IGFL2: variants seen among roughly 807,000 people sequenced by gnomAD.
IGFL2 encodes IGF like family member 2.
A neutral mutation model predicts 13.9 loss-of-function variants in IGFL2; 7 were observed. The ratio of observed to expected loss-of-function variants is 0.51; its 90% confidence interval spans 0.29 to 0.95. The LOEUF (loss-of-function observed/expected upper bound fraction) is 0.95. Ranked by LOEUF, IGFL2 falls within the 40% of genes least tolerant of loss-of-function variation. The pLI, the probability that IGFL2 is intolerant of heterozygous loss-of-function variation, is 0.08. For synonymous variants in IGFL2, 55 were observed against 55.8 expected, an observed-to-expected ratio of 0.99 and a Z score of 0.07; for missense variants, 138 against 147.8, an observed-to-expected ratio of 0.93 and a Z score of 0.34.
chr19:46,173,779 A>G, the IGFL2 span: 1 of 152,254 alleles, frequency 6.6e-6, no homozygotes, highest in South Asian at 2.1e-4. Flanking sequence ...AAACTGTATC[A>G]CAGACAAGGG....
chr19:46,157,720 A>G (rs571019665), intron 1 of IGFL2, among the ~76,000 whole-genome samples: 2 of 152,338 alleles, frequency 1.3e-5, no homozygotes, highest in Non-Finnish European at 2.9e-5. Context: ...AAGACTGAGC[A>G]AAGGAGAGGA....
the IGFL2 span, among the ~76,000 whole-genome samples, chr19:46,098,478 CT>C: frequency 0.018 from 2,262 of 128,362 alleles, 37 homozygotes; most frequent in African/African-American, 0.058. Flanking sequence ...CAATCTGTGT[CT>C]TTTTTTTTTT....
At chr19:46,151,529 T>C (rs1432038520) in intron 1 of IGFL2, among the ~76,000 whole-genome samples, 1 of 152,202 alleles carries the variant, frequency 6.6e-6, no homozygotes, top group East Asian at 1.9e-4. Context: ...GAAGTATCAA[T>C]TCTACAATTT....
intron 1 of IGFL2, chr19:46,148,792 C>G: frequency 7.2e-7 from 1 of 1,390,194 alleles, no homozygotes; most frequent in Non-Finnish European, 9.5e-7. Flanking sequence ...TCCCAGAGGT[C>G]CCCTGCCAGC....
At chr19:46,166,877 C>T in the IGFL2 span, among the ~76,000 whole-genome samples, 2 of 152,196 alleles carry the variant, frequency 1.3e-5, no homozygotes, top group Non-Finnish European at 2.9e-5. Context: ...TGCTGTTATC[C>T]TGTTCTTTTT....
chr19:46,123,794 A>G, the IGFL2 span: 4 of 1,380,802 alleles, frequency 2.9e-6, 1 homozygote, highest in African/African-American at 6.0e-5. Flanking sequence ...TTTTGCCGTT[A>G]GAACTCCACA....
the IGFL2 span, chr19:46,124,731 G>A: frequency 8.4e-7 from 1 of 1,192,958 alleles, no homozygotes; most frequent in African/African-American, 1.5e-5. Flanking sequence ...GGGGTTGTCT[G>A]TTAACCTGGT....
chr19:46,085,009 C>T, the IGFL2 span, among the ~76,000 whole-genome samples: 9 of 152,208 alleles, frequency 5.9e-5, no homozygotes, highest in South Asian at 2.1e-4. Flanking sequence ...CCTATGAGCC[C>T]GTAAAATCAA....
chr19:46,163,204 C>G (rs991733827), downstream of IGFL2, among the ~76,000 whole-genome samples: 3 of 152,180 alleles, frequency 2.0e-5, no homozygotes, highest in Admixed American at 2.0e-4. Context: ...AGTGTGGGTT[C>G]CTCTCCCTCT....
At chr19:46,139,938 T>TCACA (rs144249757), upstream of IGFL2, among the ~76,000 whole-genome samples, 30 of 150,404 alleles carry the variant, frequency 2.0e-4, no homozygotes, top group African/African-American at 4.4e-4. Context: ...TTTCACGCAC[T>TCACA]CACACACACA....
the IGFL2 span, among the ~76,000 whole-genome samples, chr19:46,122,466 A>T: frequency 2.6e-5 from 4 of 151,012 alleles, 1 homozygote; most frequent in Admixed American, 2.6e-4. Flanking sequence ...CAGATAATAA[A>T]TGTTAATAAT....
chr19:46,093,551 A>G, the IGFL2 span, among the ~76,000 whole-genome samples: 1 of 152,156 alleles, frequency 6.6e-6, no homozygotes, highest in African/African-American at 2.4e-5. Context: ...AGTCCTAGCT[A>G]GTGTAATGAG....
In IGFL2 at chr19:46,160,398, C is replaced by T. The variant is rs775312362; in HGVS notation, c.20-17C>T. 2.5e-6 allele frequency: 4 copies of T among 1,610,582 alleles called. No individual in the cohort carries two copies. Among genetic ancestry groups the T allele is most frequent in the Admixed American group, 3.4e-5 (2 of 59,390 alleles). The stretch of plus-strand genomic sequence containing the variant: ...CACTTCCAGCCCCATCCTTAACCTC[C>T]TTTCTTTCTCTCCCAGCTCCTGCTT... On this transcript the variant is annotated splice_polypyrimidine_tract_variant and intron_variant, in intron 1 of 3. Transcript: ENST00000377693.
At chr19:46,198,933 A>T in the IGFL2 span, among the ~76,000 whole-genome samples, 1 of 152,202 alleles carries the variant, frequency 6.6e-6, no homozygotes. Flanking sequence ...TTATTCCTGG[A>T]CAAAAGAGCA....
chr19:46,155,190 G>A (rs778696085), intron 1 of IGFL2, among the ~76,000 whole-genome samples: 3 of 152,232 alleles, frequency 2.0e-5, no homozygotes, highest in Non-Finnish European at 2.9e-5. Flanking sequence ...GGGAGAAGGA[G>A]CCCCGGTGCT....
the IGFL2 span, among the ~76,000 whole-genome samples, chr19:46,125,587 A>G: frequency 1.3e-5 from 2 of 152,230 alleles, no homozygotes; most frequent in African/African-American, 4.8e-5. Flanking sequence ...TCCATCCTCC[A>G]CTTGCTGGCA....
the IGFL2 span, among the ~76,000 whole-genome samples, chr19:46,169,441 AAGAAGAAAGTGG>A: frequency 6.6e-6 from 1 of 152,214 alleles, no homozygotes; most frequent in Admixed American, 6.5e-5. Context: ...TGCCACTCAA[AAGAAGAAAGTGG>A]AGAGAGAGAG....
At chr19:46,133,393 G>A in the IGFL2 span, among the ~76,000 whole-genome samples, 3 of 152,166 alleles carry the variant, frequency 2.0e-5, no homozygotes, top group South Asian at 2.1e-4. Flanking sequence ...TCTGGCTTCC[G>A]TTGGCTGGAA....
the IGFL2 span, among the ~76,000 whole-genome samples, chr19:46,171,387 A>C: frequency 2.0e-5 from 3 of 151,990 alleles, no homozygotes; most frequent in African/African-American, 7.3e-5. Flanking sequence ...ATTGACAGAG[A>C]GAAGAAGCTA....
Sources: gnomAD v4.1 joint callset for allele counts (sites outside exome capture counted in the v4.1 genomes callset) on GRCh38, gnomAD v4.1.1 for gene constraint, MANE v1.5 for transcripts, NCBI Gene and HGNC (gene_info 2026-07-23, HGNC 2026-07-21) for gene names.